Variants in ESR1 observed in about 807,000 individuals in gnomAD.
The protein encoded by ESR1 is estrogen receptor 1.
Under a neutral mutation model 52.7 loss-of-function variants are expected in ESR1, and 12 were observed. The ratio of observed to expected loss-of-function variants is 0.23; its 90% CI spans 0.15 to 0.37. The LOEUF is 0.37. Ranked by LOEUF, ESR1 falls within the 10% of genes least tolerant of loss-of-function variation. The pLI is 1.00. For synonymous variants in ESR1, 305 were observed against 316.8 expected (o/e 0.96, Z 0.39); for missense variants, 584 against 779.7 (o/e 0.75, Z 2.99).
chr6:151,686,064 A>ATTTTTTTTTTTTTTTTTTTTTTTTT (rs557270210), upstream of ESR1, among the ~76,000 whole-genome samples: 58 of 114,326 alleles, frequency 5.1e-4, 2 homozygotes, highest in African/African-American at 2.1e-3. Flanking sequence ...AATTAAAACA[A>ATTTTTTTTTTTTTTTTTTTTTTTTT]TTTTTTTTTT....
chr6:152,034,830 C>A (rs2045136335), intron 5 of ESR1, among the ~76,000 whole-genome samples: 1 of 152,172 alleles, frequency 6.6e-6, no homozygotes, highest in African/African-American at 2.4e-5. Flanking sequence ...AAAATGGGTA[C>A]AAGCAAACAC....
At chr6:151,673,992 T>G (rs1371666889) in intron 1 of ESR1, among the ~76,000 whole-genome samples, 1 of 152,204 alleles carries the variant, frequency 6.6e-6, no homozygotes. Context: ...TTTTCTCCAT[T>G]ATAAAAGAAA....
chr6:151,815,769 T>A (rs1166677961), intron 1 of ESR1, among the ~76,000 whole-genome samples: 1 of 152,176 alleles, frequency 6.6e-6, no homozygotes, highest in Non-Finnish European at 1.5e-5. Flanking sequence ...ACGTGTGGAA[T>A]GGCAAAAAAA....
At chr6:151,685,755 C>T (rs952318080), upstream of ESR1, among the ~76,000 whole-genome samples, 2 of 151,966 alleles carry the variant, frequency 1.3e-5, no homozygotes, top group Non-Finnish European at 2.9e-5. Context: ...ATATGATAGC[C>T]CATTTATTCT....
chr6:152,033,359 C>T (rs1162291303), intron 5 of ESR1, among the ~76,000 whole-genome samples: 4 of 152,112 alleles, frequency 2.6e-5, no homozygotes, highest in Non-Finnish European at 5.9e-5. Context: ...AACAGGCAAC[C>T]TACAGAATGG....
At chr6:152,014,072 T>C (rs1470216555) in intron 5 of ESR1, among the ~76,000 whole-genome samples, 1 of 151,790 alleles carries the variant, frequency 6.6e-6, no homozygotes, top group Non-Finnish European at 1.5e-5. Context: ...TAAAGGGGAG[T>C]TCCCCTGCAC....
chr6:152,015,785 G>A (rs2043122253), intron 5 of ESR1, among the ~76,000 whole-genome samples: 2 of 152,028 alleles, frequency 1.3e-5, no homozygotes, highest in Non-Finnish European at 2.9e-5. Flanking sequence ...AGCGCATTTG[G>A]CGTGTGCTTA....
At position 152,061,930 on chromosome 6, in the gene ESR1, G is replaced by T. The variant is rs755659031; in HGVS notation, c.1369+806G>T. Among the ~76,000 whole-genome samples, 9 of 152,082 alleles carry T rather than the reference G, an allele frequency of 5.9e-5. No individual in the cohort carries two copies. Among genetic ancestry groups the T allele is most frequent in the Non-Finnish European group, 1.3e-4 (9 of 68,020 alleles). On this transcript the variant is annotated intron_variant, in intron 6 of 7. Transcript: ENST00000206249. The surrounding 1 kb of genome is among the most constrained non-coding windows in gnomAD (Gnocchi z 4.3). ...GCCTCTGGGACCTAAAGCTCACATT[G>T]GGTATCAGCGGTACAGCAGCTCCCC...
At chr6:151,986,550 T>C (rs1305885566) in intron 4 of ESR1, among the ~76,000 whole-genome samples, 2 of 152,154 alleles carry the variant, frequency 1.3e-5, no homozygotes, top group Non-Finnish European at 2.9e-5. Flanking sequence ...ATGAACAAAA[T>C]GCACATTTTG....
At chr6:151,737,865 A>G (rs1782792998) in intron 2 of ESR1, among the ~76,000 whole-genome samples, 1 of 152,204 alleles carries the variant, frequency 6.6e-6, no homozygotes. Flanking sequence ...ATGCCTACCT[A>G]CTATTGCATT....
chr6:152,078,769 A>G (rs536641410), intron 6 of ESR1, among the ~76,000 whole-genome samples: 1 of 152,352 alleles, frequency 6.6e-6, no homozygotes, highest in South Asian at 2.1e-4. Context: ...ACTCCTGACA[A>G]AATACTGCAC....
intron 2 of ESR1, among the ~76,000 whole-genome samples, chr6:151,785,406 C>T (rs772151108): frequency 2.0e-5 from 3 of 152,180 alleles, no homozygotes. Context: ...TGCCCTGGAG[C>T]CCATACTTTG....
At chr6:152,078,466 A>AT (rs1052128357) in intron 6 of ESR1, among the ~76,000 whole-genome samples, 8 of 151,798 alleles carry the variant, frequency 5.3e-5, no homozygotes, top group East Asian at 1.9e-4. Flanking sequence ...TCAGGAAAAC[A>AT]TTTTTTTTTC....
chr6:151,876,313 AGTCAAGT>A (rs112796775), intron 2 of ESR1, among the ~76,000 whole-genome samples: 6 of 152,102 alleles, frequency 3.9e-5, no homozygotes, highest in African/African-American at 1.4e-4. Context: ...AGTGTGAGAG[AGTCAAGT>A]CTTGATGGAC....
intron 2 of ESR1, among the ~76,000 whole-genome samples, chr6:151,752,625 G>A (rs956709154): frequency 1.3e-4 from 19 of 151,978 alleles, no homozygotes; most frequent in African/African-American, 4.3e-4. Flanking sequence ...TCTTTTCTAT[G>A]TGTCAAATTC....
chr6:151,680,671 A>G (rs997200648), intron 1 of ESR1, among the ~76,000 whole-genome samples: 1 of 152,150 alleles, frequency 6.6e-6, no homozygotes, highest in South Asian at 2.1e-4. Flanking sequence ...ATTTCAGCAT[A>G]TGGATTTTGG....
chr6:151,699,255 A>T lies in ESR1; in HGVS notation c.-201-2620A>T, dbSNP rs851985. Reference sequence around the variant, plus strand: ...ATGGTAATGTTTAGTAGGGGAAAAGATTTGTACTGCTACATAGAAGGAGGT... The same window carrying T: ...ATGGTAATGTTTAGTAGGGGAAAAGTTTTGTACTGCTACATAGAAGGAGGT... On this transcript the variant is annotated intron_variant, in intron 1 of 2. Transcript: ENST00000404742. Among the ~76,000 whole-genome samples the T allele has an allele frequency of 6.3e-3, 960 of 151,920 alleles. 13 individuals carry two copies. The highest frequency in any genetic ancestry group is 0.022 in the African/African-American group (915 of 41,422).
intron 5 of ESR1, among the ~76,000 whole-genome samples, chr6:152,013,972 G>C (rs2042973837): frequency 6.6e-6 from 1 of 152,066 alleles, no homozygotes; most frequent in Non-Finnish European, 1.5e-5. Flanking sequence ...TCATGGGAGG[G>C]ACCCGGTGGG....
At chr6:151,919,427 A>G (rs1330211850) in intron 3 of ESR1, among the ~76,000 whole-genome samples, 1 of 152,200 alleles carries the variant, frequency 6.6e-6, no homozygotes, top group Non-Finnish European at 1.5e-5. Context: ...ATGACCTGGG[A>G]GCCAATTTTA....
Sources: allele counts gnomAD v4.1 joint callset (sites outside exome capture counted in the v4.1 genomes callset), GRCh38; gene constraint gnomAD v4.1.1; non-coding constraint Gnocchi (gnomAD v3.1); transcripts MANE v1.5; gene names NCBI Gene and HGNC (gene_info 2026-07-23, HGNC 2026-07-21).